Variants in PLXDC2 observed in about 807,000 individuals in gnomAD.
PLXDC2 encodes the protein plexin domain-containing protein 2.
In PLXDC2, 40 loss-of-function variants were observed where a neutral mutation model predicts 68.9. That is an observed-to-expected ratio of 0.58 (90% CI 0.45 to 0.76). The LOEUF is 0.76. Among genes scored for constraint, PLXDC2 ranks in the 30% least tolerant of loss-of-function variants. PLXDC2 has a pLI of 0.00. For synonymous variants in PLXDC2, 243 were observed against 234.2 expected (o/e 1.04, Z -0.34); for missense variants, 644 against 661.9 (o/e 0.97, Z 0.30).
intron 1 of PLXDC2, among the ~76,000 whole-genome samples, chr10:19,941,165 C>G (rs754254948): frequency 6.6e-6 from 1 of 152,160 alleles, no homozygotes; most frequent in Non-Finnish European, 1.5e-5. Flanking sequence ...CTTCCAAAGA[C>G]ACTTCCCAGA....
At chr10:20,275,465 A>G (rs998529004) in intron 13 of PLXDC2, among the ~76,000 whole-genome samples, 10 of 152,222 alleles carry the variant, frequency 6.6e-5, no homozygotes, top group Non-Finnish European at 1.2e-4. Flanking sequence ...TTTAGAAAGT[A>G]TAGGATTCAT....
At chr10:20,176,606 T>C (rs896451997) in intron 7 of PLXDC2, among the ~76,000 whole-genome samples, 1 of 152,204 alleles carries the variant, frequency 6.6e-6, no homozygotes, top group African/African-American at 2.4e-5. Context: ...GTGTGAAACA[T>C]TTCTAATTAC....
chr10:19,831,699 G>C (rs376519943), intron 1 of PLXDC2, among the ~76,000 whole-genome samples: 35 of 152,120 alleles, frequency 2.3e-4, no homozygotes, highest in East Asian at 1.4e-3. Flanking sequence ...TTTTCTGTTC[G>C]TGCATTACTT....
chr10:19,905,017 T>C (rs1833125120), intron 1 of PLXDC2, among the ~76,000 whole-genome samples: 1 of 152,174 alleles, frequency 6.6e-6, no homozygotes, highest in Non-Finnish European at 1.5e-5. Context: ...TGCAGAGTGC[T>C]CTTTGACCCA....
intron 9 of PLXDC2, among the ~76,000 whole-genome samples, chr10:20,188,139 G>A (rs1482191984): frequency 2.6e-5 from 4 of 151,546 alleles, no homozygotes; most frequent in South Asian, 4.2e-4. Context: ...TACTAAATAT[G>A]TGTTATTAAA....
chr10:20,038,246 A>AC (rs893724263), intron 2 of PLXDC2, among the ~76,000 whole-genome samples: 1 of 150,624 alleles, frequency 6.6e-6, no homozygotes, highest in Non-Finnish European at 1.5e-5. Context: ...AAAAAAATAA[A>AC]AAAAAAAATT....
intron 2 of PLXDC2, among the ~76,000 whole-genome samples, chr10:20,016,942 A>G (rs1236051233): frequency 2.6e-5 from 4 of 152,230 alleles, no homozygotes; most frequent in African/African-American, 9.6e-5. Flanking sequence ...TCCTGGCTTT[A>G]GCATGCTGCA....
At chr10:19,937,279 C>T (rs1245604476) in intron 1 of PLXDC2, among the ~76,000 whole-genome samples, 1 of 152,058 alleles carries the variant, frequency 6.6e-6, no homozygotes, top group Non-Finnish European at 1.5e-5. Flanking sequence ...CTTAGTCCCA[C>T]ATCTTTGTGA....
intron 4 of PLXDC2, among the ~76,000 whole-genome samples, chr10:20,121,332 T>C (rs982777919): frequency 1.3e-5 from 2 of 152,136 alleles, no homozygotes; most frequent in Admixed American, 1.3e-4. Flanking sequence ...CTGGCTCTTG[T>C]ATAAGAATTC....
chr10:20,066,606 T>A, intron 3 of PLXDC2, among the ~76,000 whole-genome samples: 1 of 152,330 alleles, frequency 6.6e-6, no homozygotes, highest in Admixed American at 6.5e-5. Context: ...TCTGTGAAAA[T>A]GAGTTTTGTT....
intron 4 of PLXDC2, among the ~76,000 whole-genome samples, chr10:20,087,845 A>C (rs919677877): frequency 2.6e-5 from 4 of 152,032 alleles, no homozygotes; most frequent in Admixed American, 2.6e-4. Context: ...GAATTTTTTT[A>C]TTAATAATTT....
chr10:19,974,107 C>G (rs72789634), intron 1 of PLXDC2, among the ~76,000 whole-genome samples: 7,926 of 152,268 alleles, frequency 0.052, 265 homozygotes, highest in Middle Eastern at 0.092. Context: ...TGGAAAGCAA[C>G]TTTGATAGAG....
intron 5 of PLXDC2, among the ~76,000 whole-genome samples, chr10:20,146,442 T>C (rs369415344): frequency 2.9e-4 from 44 of 149,516 alleles, no homozygotes; most frequent in Non-Finnish European, 5.7e-4. Flanking sequence ...TTTCTTTCTT[T>C]CTTCCTTTCT....
At chr10:20,151,942 A>C (rs1224999108) in intron 6 of PLXDC2, among the ~76,000 whole-genome samples, 2 of 152,070 alleles carry the variant, frequency 1.3e-5, no homozygotes, top group East Asian at 3.8e-4. Flanking sequence ...CCCACCACCA[A>C]TTTGGGGCTT....
At chr10:19,879,946 CTT>C (rs893233671) in intron 1 of PLXDC2, among the ~76,000 whole-genome samples, 1 of 152,092 alleles carries the variant, frequency 6.6e-6, no homozygotes, top group Admixed American at 6.6e-5. Context: ...TTGAAACAGA[CTT>C]TTAGTTGTTT....
rs530943206 is a variant in PLXDC2 at position 20,174,430 on chromosome 10, T to C, written c.884-2569T>C. 9.2e-5 allele frequency among the ~76,000 whole-genome samples: 14 copies of C among 152,292 alleles called. No homozygotes were observed. In the East Asian group the frequency reaches 2.1e-3, roughly 23 times the overall value. ...AAAATGTATATGCATCTTTCAGTTA[T>C]ACCAAAATTTCACTGGATTAGAGTT... is the stretch of plus-strand genomic sequence containing the variant. On this transcript the variant is annotated intron_variant, in intron 7 of 13. Coordinates refer to ENST00000377252, the MANE Select transcript of PLXDC2 (RefSeq NM_032812.9).
chr10:19,965,543 T>G (rs932363351), intron 1 of PLXDC2, among the ~76,000 whole-genome samples: 2 of 152,144 alleles, frequency 1.3e-5, no homozygotes, highest in Admixed American at 6.5e-5. Flanking sequence ...TTCCCACTTG[T>G]TCTGTGTGTC....
intron 1 of PLXDC2, among the ~76,000 whole-genome samples, chr10:19,928,706 T>C (rs2131387089): frequency 1.3e-5 from 2 of 151,676 alleles, no homozygotes; most frequent in East Asian, 3.9e-4. Context: ...AGATCTTGTC[T>C]GTGCTAGATT....
chr10:19,915,731 G>C (rs1344658803), intron 1 of PLXDC2, among the ~76,000 whole-genome samples: 2 of 151,962 alleles, frequency 1.3e-5, no homozygotes, highest in Non-Finnish European at 2.9e-5. Context: ...CTGCTGCTTG[G>C]TTCATTTGAT....
Sources: allele counts gnomAD v4.1 joint callset (sites outside exome capture counted in the v4.1 genomes callset), GRCh38; gene constraint gnomAD v4.1.1; transcripts MANE v1.5; gene names NCBI Gene and HGNC (gene_info 2026-07-23, HGNC 2026-07-21).